Variants in SYNGR4 observed in about 807,000 individuals in gnomAD.
The protein encoded by SYNGR4 is synaptogyrin 4, also known as synaptogyrin-4.
A neutral mutation model predicts 15.5 loss-of-function variants in SYNGR4; 15 were observed. That is an observed-to-expected ratio of 0.97 (90% CI 0.65 to 1.49). SYNGR4 has a LOEUF of 1.49. SYNGR4 is among the 40% of genes most tolerant of loss of function. The probability of loss-of-function intolerance (pLI) is 0.00; values close to 1 mark genes in which losing one functional copy is unlikely to be tolerated. For missense variants in SYNGR4, 292 were observed against 299.3 expected (o/e 0.98, Z 0.18); for synonymous variants, 121 against 127.4 (o/e 0.95, Z 0.34).
At chr19:48,372,698 G>A (rs1251661230) in intron 2 of SYNGR4, among the ~76,000 whole-genome samples, 2 of 151,950 alleles carry the variant, frequency 1.3e-5, no homozygotes, top group Non-Finnish European at 2.9e-5. Flanking sequence ...CAGTGTCGTA[G>A]TATTTGTCTA....
intron 2 of SYNGR4, 74 bp from the exon 3 acceptor site, chr19:48,373,443 G>A (rs534598154): frequency 1.3e-5 from 17 of 1,317,298 alleles, no homozygotes; most frequent in African/African-American, 7.2e-5. Context: ...CGGAAAGACC[G>A]ACAGCACCAG....
At chr19:48,375,849 C>A in intron 4 of SYNGR4, 97 bp downstream of exon 4, 1 of 1,547,794 alleles carries the variant, frequency 6.5e-7, no homozygotes, top group Non-Finnish European at 8.7e-7. Flanking sequence ...CTTAGCTCCC[C>A]TGGGGGTCAG....
intron 3 of SYNGR4, among the ~76,000 whole-genome samples, chr19:48,375,277 C>G (rs1451538450): frequency 5.9e-5 from 9 of 151,956 alleles, no homozygotes; most frequent in Admixed American, 5.2e-4. Context: ...CCACTTGCCT[C>G]AGCTTCCCAA....
At chr19:48,368,403 G>A (rs1413266446) in intron 2 of SYNGR4, among the ~76,000 whole-genome samples, 1 of 150,160 alleles carries the variant, frequency 6.7e-6, no homozygotes, top group African/African-American at 2.5e-5. Context: ...TCTTTTTTTT[G>A]AGACAGACCC....
At chr19:48,374,571 G>A (rs1970371543) in intron 3 of SYNGR4, among the ~76,000 whole-genome samples, 1 of 152,212 alleles carries the variant, frequency 6.6e-6, no homozygotes, top group Non-Finnish European at 1.5e-5. Context: ...GCCTTAGAAG[G>A]TCATCGAATC....
rs1341074093 is a variant in SYNGR4, at chr19:48,372,350, T to A, written c.94-1167T>A. Among the ~76,000 whole-genome samples, 3 of 152,122 alleles carry A rather than the reference T, an allele frequency of 2.0e-5. No homozygotes were observed. In the East Asian group the frequency reaches 5.8e-4, roughly 29 times the overall value. On this transcript the variant is annotated intron_variant, in intron 2 of 4. Coordinates refer to ENST00000344846, the MANE Select transcript of SYNGR4 (RefSeq NM_012451.4). ...CCGTGGTTTTTTTAGCAAATACACA[T>A]AGAAGACAGGCATGGCCGGGCGTGG...
rs115130071 is a variant in SYNGR4 at position 48,369,779 on chromosome 19, A to G, written c.94-3738A>G. Among the ~76,000 whole-genome samples the G allele has an allele frequency of 2.1e-3, 323 of 152,332 alleles. 1 individual carries two copies. Among genetic ancestry groups the G allele is most frequent in the African/African-American group, 7.5e-3 (310 of 41,582 alleles). The stretch of plus-strand genomic sequence containing the variant: ...CGCAGGTAAAATGAATATGGGCTCA[A>G]AAATGATCAATGTGCTTTCTTGTCC... On this transcript the variant is annotated intron_variant, in intron 2 of 4. Transcript: ENST00000344846.
rs771655670 is a variant in SYNGR4, at chr19:48,376,151, C to T, written c.538C>T (p.Leu180=). Reference sequence around the variant, plus strand: ...TGCTCCAGTCCCTTACAAGCGCTTCCTGGATGAGGGTGGCATGGTGCTGAC... The same window carrying T: ...TGCTCCAGTCCCTTACAAGCGCTTCTTGGATGAGGGTGGCATGGTGCTGAC... The part of the protein sequence containing the change: ...NDAPVPYKRF[L]DEGGMVLTTL... Residue 180 remains leucine (L), a synonymous_variant, in exon 5 of 5, where the codon CTG becomes TTG. Transcript: ENST00000344846. 39 of 1,613,994 alleles carry T rather than the reference C, an allele frequency of 2.4e-5. No individual in the cohort carries two copies. The highest frequency in any genetic ancestry group is 1.6e-4 in the Middle Eastern group (1 of 6,082).
rs1056403895 is a variant in SYNGR4, at chr19:48,373,607, A to C, written c.184A>C (p.Asn62His). Residue 62 changes from asparagine (N) to histidine (H), a missense_variant, in exon 3 of 5, where the codon AAC (asparagine) becomes CAC (histidine). Coordinates refer to ENST00000344846, the MANE Select transcript of SYNGR4 (RefSeq NM_012451.4). ...GCAGCTCCACTGCATTCTCAACAGCAACAGCGTGGCCTGCAGCTTTGCCGT... is the reference window on the plus strand; with the variant it reads ...GCAGCTCCACTGCATTCTCAACAGCCACAGCGTGGCCTGCAGCTTTGCCGT... ...SPQLHCILNS[N>H]SVACSFAVGA... The C allele has an allele frequency of 3.7e-6, 6 of 1,613,768 alleles. No individual in the cohort carries two copies. Among genetic ancestry groups the C allele is most frequent in the Non-Finnish European group, 5.1e-6 (6 of 1,180,028 alleles).
chr19:48,374,792 A>G (rs999736773), intron 3 of SYNGR4, among the ~76,000 whole-genome samples: 1 of 152,080 alleles, frequency 6.6e-6, no homozygotes, highest in Non-Finnish European at 1.5e-5. Context: ...CCTGGCCAAC[A>G]TGGCGAAACC....
Position 48,375,575 on chromosome 19 carries a change from T to C in SYNGR4, c.332-38T>C, listed in dbSNP as rs200924169. 22 of 1,590,108 alleles carry C rather than the reference T, an allele frequency of 1.4e-5. No homozygotes were observed. The African/African-American group carries it at 2.4e-4, about 17-fold the overall frequency. On this transcript the variant is annotated intron_variant, in intron 3 of 4. Transcript: ENST00000344846. Reference sequence around the variant, plus strand: ...CCTCAGCAGCCCTGCCTGAGTGAGCTTTCCCCCTGCCCCTTTTCTCTCCCT... The same window carrying C: ...CCTCAGCAGCCCTGCCTGAGTGAGCCTTCCCCCTGCCCCTTTTCTCTCCCT...
intron 2 of SYNGR4, among the ~76,000 whole-genome samples, chr19:48,368,384 CT>C (rs1389415634): frequency 1.3e-5 from 2 of 151,402 alleles, no homozygotes; most frequent in Non-Finnish European, 3.0e-5. Context: ...ATTTTTTTTT[CT>C]TTTTCTTTCT....
At chr19:48,372,917 C>T (rs1048809210) in intron 2 of SYNGR4, 18 of 153,736 alleles carry the variant, frequency 1.2e-4, no homozygotes, top group Non-Finnish European at 2.5e-4. Flanking sequence ...TGCCTCCTCT[C>T]GTTTAGTCCT....
At position 48,373,963 on chromosome 19, in the gene SYNGR4, C is replaced by T. The variant is rs550529175; in HGVS notation, c.331+209C>T. On this transcript the variant is annotated intron_variant, in intron 3 of 4. Coordinates refer to ENST00000344846, the MANE Select transcript of SYNGR4 (RefSeq NM_012451.4). The stretch of plus-strand genomic sequence containing the variant: ...TCTCCTCCTGGGGAATTATTTTTAT[C>T]CTTCAGACCCTGGGTAAGGGTCACC... 8.9e-4 allele frequency among the ~76,000 whole-genome samples: 135 copies of T among 152,276 alleles called. 1 individual carries two copies. Among genetic ancestry groups the T allele is most frequent in the African/African-American group, 3.1e-3 (128 of 41,562 alleles).
chr19:48,370,300 A>G (rs971792104), intron 2 of SYNGR4, among the ~76,000 whole-genome samples: 5 of 152,132 alleles, frequency 3.3e-5, no homozygotes, highest in African/African-American at 1.2e-4. Flanking sequence ...CACCTGTGCA[A>G]CATAGCAATA....
chr19:48,370,972 C>T lies in SYNGR4; in HGVS notation c.94-2545C>T, dbSNP rs180676136. ...CGTGACCCCAGAGGGCTTCTCTAACCCCAAGGCTGACCCCAGCTGTCCCCT... is the reference window on the plus strand; with the variant it reads ...CGTGACCCCAGAGGGCTTCTCTAACTCCAAGGCTGACCCCAGCTGTCCCCT... On this transcript the variant is annotated intron_variant, in intron 2 of 4. Coordinates refer to ENST00000344846, the MANE Select transcript of SYNGR4 (RefSeq NM_012451.4). 3.3e-5 allele frequency among the ~76,000 whole-genome samples: 5 copies of T among 152,292 alleles called. No individual in the cohort carries two copies. The East Asian group carries it at 9.6e-4, about 29-fold the overall frequency.
chr19:48,373,449 A>T lies in SYNGR4; in HGVS notation c.94-68A>T, dbSNP rs1378450532. 3 of 1,360,972 alleles carry T rather than the reference A, an allele frequency of 2.2e-6. No individual in the cohort carries two copies. In the East Asian group the frequency reaches 6.9e-5, roughly 31 times the overall value. 84.3% of individuals were successfully genotyped at this position (1,360,972 alleles called of 1,614,324 possible). On this transcript the variant is annotated intron_variant, in intron 2 of 4. Transcript: ENST00000344846. The stretch of plus-strand genomic sequence containing the variant: ...CTGGGTATACGGAAAGACCGACAGC[A>T]CCAGGGAGGAAGGAGGAGCAGCTTC...
chr19:48,372,188 G>A (rs1462464728), intron 2 of SYNGR4, among the ~76,000 whole-genome samples: 2 of 152,032 alleles, frequency 1.3e-5, no homozygotes, highest in East Asian at 3.9e-4. Flanking sequence ...CCCAGCCACT[G>A]GCCAGCTAAT....
chr19:48,373,627 T>C lies in SYNGR4; in HGVS notation c.204T>C (p.Phe68=), dbSNP rs374765004. 14 of 1,613,774 alleles carry C rather than the reference T, an allele frequency of 8.7e-6. No individual in the cohort carries two copies. The highest frequency in any genetic ancestry group is 1.6e-4 in the Middle Eastern group (1 of 6,084). Residue 68 remains phenylalanine (F), a synonymous_variant, in exon 3 of 5, where the codon TTT becomes TTC. Transcript: ENST00000344846. ...ACAGCAACAGCGTGGCCTGCAGCTT[T>C]GCCGTGGGAGCCGGCTTCCTGGCCT... ...ILNSNSVACS[F]AVGAGFLAFL...
Sources: gnomAD v4.1 joint callset for allele counts (sites outside exome capture counted in the v4.1 genomes callset) on GRCh38, gnomAD v4.1.1 for gene constraint, MANE v1.5 for transcripts, NCBI Gene and HGNC (gene_info 2026-07-23, HGNC 2026-07-21) for gene names.